RGS6: variants seen among roughly 807,000 people sequenced by gnomAD.
RGS6 encodes the protein regulator of G-protein signaling 6.
RGS6 carries 30 observed loss-of-function variants against 78.5 expected under a neutral mutation model. The observed-to-expected ratio is 0.38, with a 90% confidence interval of 0.29 to 0.52. The LOEUF is 0.52. RGS6 is among the 20% of genes least tolerant of loss of function. The pLI is 0.85. For missense variants in RGS6, 495 were observed against 609.7 expected, an observed-to-expected ratio of 0.81 and a Z score of 1.98; for synonymous variants, 206 against 206.0, an observed-to-expected ratio of 1.00 and a Z score of 0.00.
At chr14:72,621,642 T>TA in the RGS6 span, among the ~76,000 whole-genome samples, 1 of 152,154 alleles carries the variant, frequency 6.6e-6, no homozygotes, top group East Asian at 1.9e-4. Context: ...TAAGAGTAGA[T>TA]ACCCAGTGGG....
At chr14:72,415,251 C>T (rs1279456463) in intron 3 of RGS6, among the ~76,000 whole-genome samples, 2 of 152,260 alleles carry the variant, frequency 1.3e-5, no homozygotes, top group Non-Finnish European at 2.9e-5. Flanking sequence ...GGGTGCCCCT[C>T]CTCCAGCCTC....
the RGS6 span, among the ~76,000 whole-genome samples, chr14:72,583,591 T>C: frequency 6.0e-4 from 92 of 152,316 alleles, no homozygotes; most frequent in African/African-American, 2.1e-3. Flanking sequence ...GCTGGTTCCA[T>C]GAAGAAGAGA....
intron 2 of RGS6, among the ~76,000 whole-genome samples, chr14:72,320,356 A>C (rs976274252): frequency 2.0e-5 from 3 of 152,198 alleles, no homozygotes; most frequent in African/African-American, 7.2e-5. Context: ...AGGCAGGTGG[A>C]TCACGAGGTC....
chr14:71,883,582 TCC>T, the RGS6 span, among the ~76,000 whole-genome samples: 1 of 152,198 alleles, frequency 6.6e-6, no homozygotes, highest in South Asian at 2.1e-4. Flanking sequence ...TGGGCTGCAT[TCC>T]CAAGAGGTGA....
chr14:72,175,720 AGTGTCAC>A (rs1471353806), intron 2 of RGS6, among the ~76,000 whole-genome samples: 1 of 152,140 alleles, frequency 6.6e-6, no homozygotes, highest in Admixed American at 6.5e-5. Flanking sequence ...GACTGCGTTG[AGTGTCAC>A]GAGACTCCTA....
chr14:71,869,324 T>C, the RGS6 span, among the ~76,000 whole-genome samples: 1 of 152,214 alleles, frequency 6.6e-6, no homozygotes, highest in Non-Finnish European at 1.5e-5. Flanking sequence ...CAACAAGTGA[T>C]CACTTGTCTG....
At chr14:72,395,480 A>G (rs908048107) in intron 3 of RGS6, among the ~76,000 whole-genome samples, 1 of 152,174 alleles carries the variant, frequency 6.6e-6, no homozygotes, top group African/African-American at 2.4e-5. Flanking sequence ...ATGAAACTAA[A>G]GTAACACGAG....
At chr14:72,428,208 A>C (rs1382837691) in intron 3 of RGS6, among the ~76,000 whole-genome samples, 3 of 152,166 alleles carry the variant, frequency 2.0e-5, no homozygotes, top group Admixed American at 2.0e-4. Flanking sequence ...CAGAGAAATA[A>C]CAGGATTCCA....
intron 3 of RGS6, among the ~76,000 whole-genome samples, chr14:72,363,889 A>G (rs2152803488): frequency 6.6e-6 from 1 of 151,920 alleles, no homozygotes; most frequent in African/African-American, 2.4e-5. Context: ...ATAGTCTTCC[A>G]ACACAGGAGA....
intron 2 of RGS6, among the ~76,000 whole-genome samples, chr14:72,248,005 A>G (rs2054663964): frequency 6.6e-6 from 1 of 152,234 alleles, no homozygotes; most frequent in Non-Finnish European, 1.5e-5. Flanking sequence ...CTAAAGAGGT[A>G]GTCACTGAAG....
At chr14:72,180,056 G>T (rs953373763) in intron 2 of RGS6, among the ~76,000 whole-genome samples, 1 of 152,160 alleles carries the variant, frequency 6.6e-6, no homozygotes, top group Non-Finnish European at 1.5e-5. Context: ...AGGATTAGAG[G>T]TGCAAAACTA....
At chr14:72,032,676 T>A (rs60250615) in intron 2 of RGS6, among the ~76,000 whole-genome samples, 10,006 of 152,210 alleles carry the variant, frequency 0.066, 443 homozygotes, top group East Asian at 0.17. Context: ...ACTACTTAAG[T>A]ATACCTCATA....
At chr14:72,244,840 T>C (rs199965619) in intron 2 of RGS6, among the ~76,000 whole-genome samples, 1 of 151,810 alleles carries the variant, frequency 6.6e-6, no homozygotes, top group African/African-American at 2.4e-5. Flanking sequence ...TTTTTTTTTT[T>C]TGAGACAAGA....
chr14:72,414,900 C>T (rs987665617), intron 3 of RGS6, among the ~76,000 whole-genome samples: 2 of 152,186 alleles, frequency 1.3e-5, no homozygotes, highest in Admixed American at 6.5e-5. Context: ...GCTGCCTGAT[C>T]GTTCCTCTGG....
At chr14:71,946,567 A>G (rs1243090825) in intron 1 of RGS6, among the ~76,000 whole-genome samples, 1 of 152,144 alleles carries the variant, frequency 6.6e-6, no homozygotes, top group African/African-American at 2.4e-5. Flanking sequence ...GGAGAGACGG[A>G]ATGTGGTAAG....
In RGS6 at chr14:72,154,907, T is replaced by C. The variant is rs141131749; in HGVS notation, c.84+190032T>C. 7.5e-4 allele frequency among the ~76,000 whole-genome samples: 114 copies of C among 152,308 alleles called. 1 individual carries two copies. The Middle Eastern group carries it at 0.014, about 18-fold the overall frequency. On this transcript the variant is annotated intron_variant, in intron 2 of 17. Transcript: ENST00000553525. ...AGCATGACCATGTTCCCAAGCAGCA[T>C]GCTAAGAAAAACAAACCCCAGTGAT...
At chr14:71,998,641 C>T (rs1002012191) in intron 2 of RGS6, among the ~76,000 whole-genome samples, 1 of 152,242 alleles carries the variant, frequency 6.6e-6, no homozygotes, top group African/African-American at 2.4e-5. Context: ...GCATGGCCCT[C>T]ATCTCACTTC....
intron 2 of RGS6, among the ~76,000 whole-genome samples, chr14:72,138,630 G>A (rs2096488915): frequency 6.6e-6 from 1 of 152,112 alleles, no homozygotes; most frequent in South Asian, 2.1e-4. Context: ...CAGTGGGCGA[G>A]TAAGCAAAGC....
chr14:72,310,196 T>G (rs1399582575), intron 2 of RGS6, among the ~76,000 whole-genome samples: 1 of 152,206 alleles, frequency 6.6e-6, no homozygotes, highest in Non-Finnish European at 1.5e-5. Context: ...GGTCCAGGAC[T>G]GCTGCTCCAA....
Sources: allele counts gnomAD v4.1 joint callset (sites outside exome capture counted in the v4.1 genomes callset), GRCh38; gene constraint gnomAD v4.1.1; transcripts MANE v1.5; gene names NCBI Gene and HGNC (gene_info 2026-07-23, HGNC 2026-07-21).